The following DOCK2 variants were observed in gnomAD, a reference collection of about 807,000 sequenced individuals.
DOCK2 encodes the protein dedicator of cytokinesis protein 2.
Under a neutral mutation model 248.9 loss-of-function variants are expected in DOCK2, and 87 were observed. That is an observed-to-expected ratio of 0.35 (90% confidence interval 0.29 to 0.42). The LOEUF (loss-of-function observed/expected upper bound fraction) is 0.42, where lower values mean the gene tolerates loss of function less well. Among genes scored for constraint, DOCK2 ranks in the 10% least tolerant of loss-of-function variants. The pLI, the probability that DOCK2 is intolerant of heterozygous loss-of-function variation, is 1.00. For synonymous variants in DOCK2, 805 were observed against 821.6 expected, an observed-to-expected ratio of 0.98 and a Z score of 0.35; for missense variants, 1,747 against 2,300.2, an observed-to-expected ratio of 0.76 and a Z score of 4.92.
chr5:169,898,503 T>A (rs1233060092), intron 27 of DOCK2, among the ~76,000 whole-genome samples: 1 of 151,816 alleles, frequency 6.6e-6, no homozygotes. Context: ...GATAGGAGTA[T>A]CCTCTACATG....
At chr5:169,883,261 G>T (rs1561793154) in intron 27 of DOCK2, 5 of 1,551,630 alleles carry the variant, frequency 3.2e-6, no homozygotes, top group Non-Finnish European at 4.4e-6. Flanking sequence ...AGCTTCCCAG[G>T]AAGGACTGTG....
At chr5:169,645,143 C>T (rs1220869470) in intron 1 of DOCK2, among the ~76,000 whole-genome samples, 2 of 152,138 alleles carry the variant, frequency 1.3e-5, no homozygotes, top group Admixed American at 1.3e-4. Flanking sequence ...ATTTCTATTC[C>T]TTTGGGTATA....
intron 41 of DOCK2, 61 bp downstream of exon 41, chr5:170,050,458 GCCCACAAAGA>G: frequency 6.5e-7 from 1 of 1,545,954 alleles, no homozygotes; most frequent in Admixed American, 2.1e-5. Context: ...CAGGGCTGCA[GCCCACAAAGA>G]CCCACCTTAG....
intron 29 of DOCK2, among the ~76,000 whole-genome samples, chr5:169,989,449 G>T (rs1340315666): frequency 6.6e-6 from 1 of 152,202 alleles, no homozygotes; most frequent in Non-Finnish European, 1.5e-5. Flanking sequence ...TACCCTAAAT[G>T]CAGCCAACCA....
intron 33 of DOCK2, among the ~76,000 whole-genome samples, chr5:170,019,739 T>A (rs1170441547): frequency 6.6e-6 from 1 of 152,162 alleles, no homozygotes; most frequent in Non-Finnish European, 1.5e-5. Flanking sequence ...CACTGGGAGC[T>A]CTGGCAGTGG....
At chr5:169,701,049 A>G (rs923886326) in intron 13 of DOCK2, among the ~76,000 whole-genome samples, 1 of 152,228 alleles carries the variant, frequency 6.6e-6, no homozygotes, top group East Asian at 1.9e-4. Flanking sequence ...TGATGTTAAC[A>G]ATCAGTCACT....
chr5:169,723,634 C>T (rs1323993544), intron 22 of DOCK2, among the ~76,000 whole-genome samples: 1 of 152,156 alleles, frequency 6.6e-6, no homozygotes, highest in Non-Finnish European at 1.5e-5. Flanking sequence ...CTCCTTCCTT[C>T]CTTGAAGACC....
intron 23 of DOCK2, among the ~76,000 whole-genome samples, 179 bp from the exon 24 acceptor site, chr5:169,759,526 G>C (rs968316911): frequency 1.3e-4 from 20 of 152,190 alleles, no homozygotes; most frequent in Admixed American, 1.2e-3. Context: ...CTTCACTTTT[G>C]TATACAAAGA....
rs1270988265 is a variant in DOCK2 at position 169,764,601 on chromosome 5, T to G, written c.2554+2976T>G. Among the ~76,000 whole-genome samples, 1 of 152,258 alleles carries G rather than the reference T, an allele frequency of 6.6e-6. No homozygotes were observed. The highest frequency in any genetic ancestry group is 1.5e-5 in the Non-Finnish European group (1 of 68,048). ...GCATTTAAAGTACTTGACACAGCACTGGGCTCAGCATAATGTTTCATACTA... is the reference window on the plus strand; with the variant it reads ...GCATTTAAAGTACTTGACACAGCACGGGGCTCAGCATAATGTTTCATACTA... On this transcript the variant is annotated intron_variant, in intron 25 of 51. Transcript: ENST00000520908. The surrounding 1 kb of genome is among the most constrained non-coding windows in gnomAD (Gnocchi z 4.3).
At chr5:169,816,872 T>C (rs551105862) in intron 26 of DOCK2, among the ~76,000 whole-genome samples, 1 of 152,282 alleles carries the variant, frequency 6.6e-6, no homozygotes, top group East Asian at 1.9e-4. Context: ...AATGTGACAA[T>C]TAAATTATTG....
chr5:170,053,067 T>C (rs1302916987), intron 41 of DOCK2, among the ~76,000 whole-genome samples: 2 of 152,334 alleles, frequency 1.3e-5, no homozygotes, highest in East Asian at 3.9e-4. Context: ...AGTCTCTTTG[T>C]AGGGAGTCTG....
intron 26 of DOCK2, among the ~76,000 whole-genome samples, chr5:169,807,987 A>C (rs1767500623): frequency 6.6e-6 from 1 of 152,142 alleles, no homozygotes; most frequent in Admixed American, 6.5e-5. Flanking sequence ...TCCAACTTTG[A>C]AAATCCAGAC....
intron 27 of DOCK2, among the ~76,000 whole-genome samples, chr5:169,871,481 C>T (rs1172264050): frequency 6.6e-6 from 1 of 152,176 alleles, no homozygotes; most frequent in Non-Finnish European, 1.5e-5. Context: ...CATGAATTCT[C>T]ACAATCCCAT....
intron 27 of DOCK2, chr5:169,934,502 G>A (rs1775896834): frequency 2.6e-6 from 1 of 391,964 alleles, no homozygotes; most frequent in African/African-American, 2.1e-5. Context: ...CTAGGAGATG[G>A]AATGCTTATC....
intron 23 of DOCK2, among the ~76,000 whole-genome samples, chr5:169,757,680 A>G (rs1764263222): frequency 6.6e-6 from 1 of 152,232 alleles, no homozygotes; most frequent in Admixed American, 6.5e-5. Context: ...CTTGTAAAAT[A>G]TGTTACTGTA....
intron 1 of DOCK2, among the ~76,000 whole-genome samples, chr5:169,642,387 C>T (rs1203786641): frequency 8.5e-5 from 13 of 152,088 alleles, no homozygotes; most frequent in Non-Finnish European, 1.3e-4. Flanking sequence ...AAATCAGTAA[C>T]CATATAATTA....
At chr5:169,689,171 T>C in intron 8 of DOCK2, 81 bp from the exon 9 acceptor site, 1 of 1,377,330 alleles carries the variant, frequency 7.3e-7, no homozygotes, top group Non-Finnish European at 1.0e-6. Context: ...GTTGGGCACA[T>C]AGTAGATGCT....
chr5:169,687,263 C>T (rs1265573842), intron 8 of DOCK2, among the ~76,000 whole-genome samples: 1 of 152,124 alleles, frequency 6.6e-6, no homozygotes, highest in Non-Finnish European at 1.5e-5. Context: ...AGTTAGTTTA[C>T]TGCAAACTCC....
intron 30 of DOCK2, among the ~76,000 whole-genome samples, chr5:170,007,057 C>T (rs1369782549): frequency 6.6e-6 from 1 of 152,186 alleles, no homozygotes; most frequent in Non-Finnish European, 1.5e-5. Flanking sequence ...GCTTGTTTTG[C>T]TTCTTTCAAA....
Sources: gnomAD v4.1 joint callset for allele counts (sites outside exome capture counted in the v4.1 genomes callset) on GRCh38, gnomAD v4.1.1 for gene constraint, Gnocchi (gnomAD v3.1) non-coding constraint, MANE v1.5 for transcripts, NCBI Gene and HGNC (gene_info 2026-07-23, HGNC 2026-07-21) for gene names.